DDAH1: variants seen among roughly 807,000 people sequenced by gnomAD.
The protein encoded by DDAH1 is N(G),N(G)-dimethylarginine dimethylaminohydrolase 1.
In DDAH1, 19 loss-of-function variants were observed where a neutral mutation model predicts 28.8. The observed-to-expected ratio is 0.66, with a 90% CI of 0.46 to 0.97. The LOEUF is 0.97. Among genes scored for constraint, DDAH1 ranks in the 50% least tolerant of loss-of-function variants. The probability of loss-of-function intolerance (pLI) is 0.00; values close to 1 mark genes in which losing one functional copy is unlikely to be tolerated. For missense variants in DDAH1, 326 were observed against 375.9 expected (o/e 0.87, Z 1.10); for synonymous variants, 153 against 154.4 (o/e 0.99, Z 0.07).
intron 1 of DDAH1, among the ~76,000 whole-genome samples, chr1:85,512,603 A>G (rs562274586): frequency 2.0e-5 from 3 of 152,320 alleles, no homozygotes; most frequent in South Asian, 2.1e-4. Flanking sequence ...AGAAAACCCC[A>G]TCGTCTCAGC....
intron 1 of DDAH1, among the ~76,000 whole-genome samples, chr1:85,395,212 G>A (rs1199883841): frequency 6.6e-6 from 1 of 152,148 alleles, no homozygotes; most frequent in African/African-American, 2.4e-5. Flanking sequence ...GAACTATTAA[G>A]TAGGAAAAAG....
intron 1 of DDAH1, among the ~76,000 whole-genome samples, chr1:85,387,367 A>G (rs1264525240): frequency 1.3e-5 from 2 of 152,178 alleles, no homozygotes; most frequent in Admixed American, 6.5e-5. Context: ...CCACTTCTTG[A>G]GTGCTTTGCT....
chr1:85,370,772 A>G (rs1478737823), intron 1 of DDAH1, among the ~76,000 whole-genome samples: 2 of 152,256 alleles, frequency 1.3e-5, no homozygotes, highest in East Asian at 3.9e-4. Flanking sequence ...AATTGAGTGG[A>G]TAGGTGTACT....
intron 1 of DDAH1, among the ~76,000 whole-genome samples, chr1:85,571,113 C>T (rs1470022829): frequency 2.0e-5 from 3 of 152,180 alleles, no homozygotes; most frequent in Non-Finnish European, 4.4e-5. Flanking sequence ...AGAGGGCTCT[C>T]CTGAACATGA....
intron 1 of DDAH1, among the ~76,000 whole-genome samples, chr1:85,424,918 A>G (rs1251105419): frequency 6.6e-6 from 1 of 152,144 alleles, no homozygotes; most frequent in Non-Finnish European, 1.5e-5. Context: ...GATAAGAATT[A>G]GTTATATAAA....
rs987443844 is a variant in DDAH1, at chr1:85,319,382, T to C, written c.*2070A>G. The stretch of plus-strand genomic sequence containing the variant: ...CAAAGAAAAATCTATTTGCTTGCAA[T>C]TGATTAAACATAATAGAGAAGAGTT... On this transcript the variant is annotated 3_prime_UTR_variant, in exon 6 of 6. Transcript: ENST00000284031. The C allele has an allele frequency of 2.0e-5, 3 of 152,206 alleles. No homozygotes were observed. The highest frequency in any genetic ancestry group is 4.4e-5 in the Non-Finnish European group (3 of 68,026). The allele number at this position is 152,206 out of a possible 1,614,324, so 9.4% of individuals were successfully genotyped here. A position where few individuals can be genotyped will look rare whatever the true frequency, so the allele number is the denominator to read the frequency against.
chr1:85,409,397 A>G (rs1015778352), intron 1 of DDAH1, among the ~76,000 whole-genome samples: 15 of 152,184 alleles, frequency 9.9e-5, no homozygotes, highest in Non-Finnish European at 1.9e-4. Flanking sequence ...AAACACCTTC[A>G]TTATTTTCCC....
chr1:85,560,277 C>A (rs186271917), intron 1 of DDAH1, among the ~76,000 whole-genome samples: 36 of 152,080 alleles, frequency 2.4e-4, no homozygotes, highest in Middle Eastern at 6.8e-3. Context: ...AAAATAAAAG[C>A]AAACAGAACT....
chr1:85,473,023 G>T (rs906875820), intron 2 of DDAH1, among the ~76,000 whole-genome samples: 4 of 152,166 alleles, frequency 2.6e-5, no homozygotes, highest in African/African-American at 9.7e-5. Context: ...ATGACCTCCA[G>T]CTGCATCCAT....
intron 1 of DDAH1, among the ~76,000 whole-genome samples, chr1:85,434,443 GTCTC>G (rs1369547292): frequency 5.3e-5 from 8 of 151,426 alleles, no homozygotes; most frequent in Non-Finnish European, 1.2e-4. Flanking sequence ...GAGACAGGGT[GTCTC>G]TCTCTGTCAC....
chr1:85,486,555 A>G (rs528040241), intron 2 of DDAH1, among the ~76,000 whole-genome samples: 2 of 152,312 alleles, frequency 1.3e-5, no homozygotes, highest in South Asian at 2.1e-4. Context: ...CAGCTAGACT[A>G]CATATTTATT....
chr1:85,430,198 CA>C (rs1203424679), intron 1 of DDAH1, among the ~76,000 whole-genome samples: 1 of 152,112 alleles, frequency 6.6e-6, no homozygotes, highest in Non-Finnish European at 1.5e-5. Context: ...TGTCAAAGAT[CA>C]GATGGTTGTA....
At chr1:85,420,589 T>G (rs1653095116) in intron 1 of DDAH1, among the ~76,000 whole-genome samples, 1 of 152,192 alleles carries the variant, frequency 6.6e-6, no homozygotes, top group Non-Finnish European at 1.5e-5. Flanking sequence ...AAAAGTGACC[T>G]TTACTCCAGT....
chr1:85,361,706 T>TGCCCCATTTTTC (rs1553126141), intron 1 of DDAH1, among the ~76,000 whole-genome samples: 2 of 152,214 alleles, frequency 1.3e-5, no homozygotes, highest in African/African-American at 4.8e-5. Flanking sequence ...TTGCATTTTT[T>TGCCCCATTTTTC]GCCCCATTTT....
At chr1:85,426,732 AC>A (rs527939048) in intron 1 of DDAH1, among the ~76,000 whole-genome samples, 1 of 151,736 alleles carries the variant, frequency 6.6e-6, no homozygotes, top group African/African-American at 2.4e-5. Flanking sequence ...ACATAGTGAG[AC>A]CCCCATCTCT....
rs142756943 is a variant in DDAH1, at chr1:85,490,199, G to A, written c.-7+5967C>T. ...TTTGAGACAGAAAAGAAGAAAAAGT[G>A]AGTTCATGAAAATATAGGAACAATT... On this transcript the variant is annotated intron_variant, in intron 2 of 6. Transcript: ENST00000426972. Among the ~76,000 whole-genome samples, 878 of 152,234 alleles carry A rather than the reference G, an allele frequency of 5.8e-3. 6 individuals are homozygous for A. Among genetic ancestry groups the A allele is most frequent in the Non-Finnish European group, 6.0e-3 (409 of 68,002 alleles).
At chr1:85,404,551 A>G in intron 1 of DDAH1, 1 of 1,337,636 alleles carries the variant, frequency 7.5e-7, no homozygotes, top group Admixed American at 3.3e-5. Context: ...TCCAGACAGA[A>G]AAAAAAATAG....
chr1:85,353,574 A>AATAT (rs1284223148), intron 2 of DDAH1, among the ~76,000 whole-genome samples: 1 of 152,164 alleles, frequency 6.6e-6, no homozygotes, highest in East Asian at 1.9e-4. Context: ...TCATTATATA[A>AATAT]AGATCAAAAT....
chr1:85,487,786 G>T, intron 2 of DDAH1, among the ~76,000 whole-genome samples: 1 of 152,042 alleles, frequency 6.6e-6, no homozygotes, highest in Admixed American at 6.6e-5. Flanking sequence ...AAACATATAT[G>T]CAAGCCAGTA....
Sources: allele counts gnomAD v4.1 joint callset (sites outside exome capture counted in the v4.1 genomes callset), GRCh38; gene constraint gnomAD v4.1.1; transcripts MANE v1.5; gene names NCBI Gene and HGNC (gene_info 2026-07-23, HGNC 2026-07-21).